AVEN: variants seen among roughly 807,000 people sequenced by gnomAD.
AVEN encodes the protein cell death regulator Aven.
In AVEN, 41 loss-of-function variants were observed where a neutral mutation model predicts 38.1. The observed-to-expected ratio is 1.08, with a 90% confidence interval of 0.84 to 1.40. AVEN has a LOEUF of 1.40. AVEN is among the 40% of genes most tolerant of loss of function. AVEN has a pLI of 0.00. For synonymous variants in AVEN, 206 were observed against 171.8 expected (o/e 1.20, Z -1.56); for missense variants, 605 against 438.8 (o/e 1.38, Z -3.38).
intron 2 of AVEN, among the ~76,000 whole-genome samples, chr15:33,953,988 A>G (rs951293886): frequency 2.0e-5 from 3 of 152,202 alleles, no homozygotes; most frequent in African/African-American, 4.8e-5. Flanking sequence ...AAAAGTGGGC[A>G]AAGGATATGA....
intron 3 of AVEN, chr15:34,066,364 G>A (rs945661245): frequency 2.0e-5 from 3 of 152,216 alleles, no homozygotes; most frequent in South Asian, 4.1e-4. Context: ...GCCCATGTTG[G>A]GCATTCACCA....
At chr15:34,066,860 A>G (rs1371269444) in intron 2 of AVEN, 1 of 151,320 alleles carries the variant, frequency 6.6e-6, no homozygotes, top group Non-Finnish European at 1.5e-5. Context: ...TTTTTTTATC[A>G]TTGGTTTTGG....
chr15:33,895,463 C>A (rs555619185), intron 2 of AVEN, among the ~76,000 whole-genome samples: 2 of 151,874 alleles, frequency 1.3e-5, no homozygotes, highest in Non-Finnish European at 2.9e-5. Flanking sequence ...ATAGCTGGGA[C>A]TACAGGTATT....
chr15:34,017,719 A>T (rs1388570552), intron 1 of AVEN, among the ~76,000 whole-genome samples: 1 of 152,058 alleles, frequency 6.6e-6, no homozygotes, highest in Non-Finnish European at 1.5e-5. Context: ...ACCTCAAGTG[A>T]TCCACCCACC....
intron 2 of AVEN, among the ~76,000 whole-genome samples, chr15:33,914,883 A>G (rs1893065558): frequency 6.6e-6 from 1 of 152,138 alleles, no homozygotes; most frequent in Non-Finnish European, 1.5e-5. Context: ...AAGGCACCTC[A>G]TGTGCAATGC....
intron 2 of AVEN, among the ~76,000 whole-genome samples, chr15:33,962,165 T>C (rs1474279508): frequency 6.6e-6 from 1 of 151,922 alleles, no homozygotes; most frequent in Non-Finnish European, 1.5e-5. Context: ...AAAACCGTAA[T>C]GAAAAACAAA....
intron 1 of AVEN, among the ~76,000 whole-genome samples, chr15:34,034,474 A>C (rs1899025528): frequency 6.6e-6 from 1 of 151,996 alleles, no homozygotes; most frequent in South Asian, 2.1e-4. Flanking sequence ...AAAAGAAAAA[A>C]TCAATTTATA....
At chr15:33,938,711 A>C (rs923380733) in intron 2 of AVEN, among the ~76,000 whole-genome samples, 1 of 152,216 alleles carries the variant, frequency 6.6e-6, no homozygotes, top group African/African-American at 2.4e-5. Flanking sequence ...AAAACAGAGA[A>C]TGCATTAGTT....
At chr15:33,939,719 T>G (rs949831999) in intron 2 of AVEN, among the ~76,000 whole-genome samples, 9 of 152,192 alleles carry the variant, frequency 5.9e-5, no homozygotes, top group African/African-American at 2.2e-4. Flanking sequence ...AAGCCTTCTG[T>G]TATAGACTGA....
At chr15:33,853,825 A>C, downstream of AVEN, 1 of 1,012,710 alleles carries the variant, frequency 9.9e-7, no homozygotes, top group East Asian at 2.6e-5. Context: ...TAACACTGGG[A>C]GAGCACTGCC....
At chr15:34,002,025 T>A (rs1277368332) in intron 2 of AVEN, among the ~76,000 whole-genome samples, 4 of 152,172 alleles carry the variant, frequency 2.6e-5, no homozygotes, top group Non-Finnish European at 4.4e-5. Context: ...TCACACACAG[T>A]TATAAAGAAA....
intron 2 of AVEN, among the ~76,000 whole-genome samples, chr15:33,948,383 C>T (rs1894590045): frequency 6.6e-6 from 1 of 152,058 alleles, no homozygotes. Flanking sequence ...GCGTGAGCCA[C>T]CACGCCCAGC....
At chr15:33,931,801 C>T (rs951893767) in intron 2 of AVEN, among the ~76,000 whole-genome samples, 1 of 152,040 alleles carries the variant, frequency 6.6e-6, no homozygotes, top group Non-Finnish European at 1.5e-5. Flanking sequence ...GAAGGCAAGA[C>T]CCAATTGATT....
intron 1 of AVEN, among the ~76,000 whole-genome samples, chr15:34,024,894 G>A (rs1477177041): frequency 1.4e-5 from 2 of 147,812 alleles, no homozygotes; most frequent in Non-Finnish European, 3.0e-5. Context: ...AGAAAGAAAG[G>A]TGGCGAGGCC....
chr15:33,874,751 T>A (rs1390224818), intron 3 of AVEN, among the ~76,000 whole-genome samples: 1 of 152,156 alleles, frequency 6.6e-6, no homozygotes, highest in Non-Finnish European at 1.5e-5. Context: ...ATAAAAACAT[T>A]TAGTAAACAA....
chr15:33,972,952 C>T (rs933331945), intron 2 of AVEN, among the ~76,000 whole-genome samples: 1 of 152,214 alleles, frequency 6.6e-6, no homozygotes, highest in African/African-American at 2.4e-5. Flanking sequence ...TACAGTTACA[C>T]AGATTGCTTG....
At chr15:33,899,179 C>G (rs1056438074) in intron 2 of AVEN, among the ~76,000 whole-genome samples, 1 of 152,124 alleles carries the variant, frequency 6.6e-6, no homozygotes, top group Non-Finnish European at 1.5e-5. Context: ...CTCACCTCTG[C>G]CCCTATGACA....
chr15:34,014,000 T>C (rs1897753828), intron 1 of AVEN, among the ~76,000 whole-genome samples: 1 of 152,000 alleles, frequency 6.6e-6, no homozygotes, highest in Non-Finnish European at 1.5e-5. Flanking sequence ...AGAACGTGCT[T>C]CTAACCAAGA....
intron 2 of AVEN, among the ~76,000 whole-genome samples, chr15:33,899,362 A>G (rs1393810446): frequency 6.7e-6 from 1 of 148,980 alleles, no homozygotes; most frequent in East Asian, 2.0e-4. Context: ...AGATTTTGCT[A>G]TTGTGTTTAA....
Sources: allele counts gnomAD v4.1 joint callset (sites outside exome capture counted in the v4.1 genomes callset), GRCh38; gene constraint gnomAD v4.1.1; transcripts MANE v1.5; gene names NCBI Gene and HGNC (gene_info 2026-07-23, HGNC 2026-07-21).